The following FCAR variants were observed in gnomAD, a reference collection of about 807,000 sequenced individuals.
FCAR encodes the protein immunoglobulin alpha Fc receptor.
Under a neutral mutation model 27.1 loss-of-function variants are expected in FCAR, and 21 were observed. That is an observed-to-expected ratio of 0.77 (90% CI 0.55 to 1.11). The LOEUF (loss-of-function observed/expected upper bound fraction) is 1.11, where lower values mean the gene tolerates loss of function less well. FCAR is among the 50% of genes most tolerant of loss of function. FCAR has a pLI of 0.00. For missense variants in FCAR, 404 were observed against 358.4 expected, an observed-to-expected ratio of 1.13 and a Z score of -1.03; for synonymous variants, 134 against 135.8, an observed-to-expected ratio of 0.99 and a Z score of 0.09.
chr19:54,888,129 G>A lies in FCAR; in HGVS notation c.484G>A (p.Gly162Arg). The part of the protein sequence containing the change: ...PFDRFSLAKE[G>R]ELSLPQHQSG... ...TGATAGATTTTCACTGGCCAAGGAG[G>A]GAGAACTTTCTCTGCCACAGCACCA... Residue 162 changes from glycine to arginine, a missense_variant, in exon 4 of 5, where the codon GGA (glycine) becomes AGA (arginine). By Grantham distance (125) the Gly-to-Arg change is moderately radical. Transcript: ENST00000355524. 6.2e-7 allele frequency: 1 copy of A among 1,614,152 alleles called. No individual in the cohort carries two copies. Among genetic ancestry groups the A allele is most frequent in the Non-Finnish European group, 8.5e-7 (1 of 1,180,028 alleles).
At chr19:54,884,704 A>G (rs1019742804) in intron 2 of FCAR, among the ~76,000 whole-genome samples, 7 of 152,056 alleles carry the variant, frequency 4.6e-5, no homozygotes, top group African/African-American at 1.7e-4. Context: ...AAGGGGGTTG[A>G]AAAACTGCCT....
Position 54,889,695 on chromosome 19 carries a change from C to G in FCAR, c.696C>G (p.Ala232=), listed in dbSNP as rs769864643. The G allele has an allele frequency of 1.9e-6, 3 of 1,614,118 alleles. No homozygotes were observed. The South Asian group carries it at 3.3e-5, about 18-fold the overall frequency. Residue 232 remains alanine (A), a synonymous_variant, in exon 5 of 5, where the codon GCC becomes GCG. Coordinates refer to ENST00000355524, the MANE Select transcript of FCAR (RefSeq NM_002000.4). ...DYTTQNLIRM[A]VAGLVLVALL... ...CGACGCAGAACTTGATCCGCATGGC[C>G]GTGGCAGGACTGGTCCTCGTGGCTC...
chr19:54,877,794 C>T (rs1210606757), intron 2 of FCAR, among the ~76,000 whole-genome samples: 1 of 152,116 alleles, frequency 6.6e-6, no homozygotes, highest in African/African-American at 2.4e-5. Flanking sequence ...TATATTTACC[C>T]AAAAATTCCA....
intron 2 of FCAR, among the ~76,000 whole-genome samples, chr19:54,881,272 T>G (rs147386053): frequency 1.2e-4 from 18 of 152,270 alleles, no homozygotes; most frequent in Admixed American, 3.9e-4. Flanking sequence ...GGTGACAGAC[T>G]GGCCTCTTCT....
At chr19:54,881,499 T>A (rs1254785625) in intron 2 of FCAR, among the ~76,000 whole-genome samples, 4 of 151,886 alleles carry the variant, frequency 2.6e-5, no homozygotes, top group Admixed American at 1.3e-4. Context: ...AGCTGGGGCT[T>A]GTTGAAGAGC....
Position 54,875,346 on chromosome 19 carries a change from G to A in FCAR, c.51G>A (p.Gln17=), listed in dbSNP as rs765932099. Residue 17 remains glutamine, a synonymous_variant, in exon 2 of 5, where the codon CAG becomes CAA. Transcript: ENST00000355524. ...CTCTTCCAGTGCTCTGTCTGGGCCA[G>A]AGGATTCAGGCACAGGAAGGTAAGT... ...TLLCLVLCLG[Q]RIQAQEGDFP... is the part of the protein sequence containing the mutation. The A allele has an allele frequency of 6.2e-7, 1 of 1,613,892 alleles. No homozygotes were observed. The highest frequency in any genetic ancestry group is 1.1e-5 in the South Asian group (1 of 91,022).
intron 3 of FCAR, among the ~76,000 whole-genome samples, chr19:54,887,645 A>G (rs919996768): frequency 7.1e-6 from 1 of 141,800 alleles, no homozygotes; most frequent in African/African-American, 2.6e-5. Flanking sequence ...GGCTGGGCAC[A>G]GTTGCTCATG....
intron 3 of FCAR, among the ~76,000 whole-genome samples, chr19:54,886,275 A>T (rs936168927): frequency 4.3e-5 from 6 of 139,166 alleles, no homozygotes; most frequent in African/African-American, 1.6e-4. Flanking sequence ...AAGATTTCAC[A>T]TTGCATTCAG....
At chr19:54,889,583 G>A in intron 4 of FCAR, 66 bp from the exon 5 acceptor site, 2 of 1,373,094 alleles carry the variant, frequency 1.5e-6, no homozygotes, top group Non-Finnish European at 2.1e-6. Context: ...CCGTTTCAGG[G>A]CTCTGGGGTT....
At position 54,885,334 on chromosome 19, in the gene FCAR, T is replaced by G; in HGVS notation, c.170T>G (p.Leu57Arg). 1 of 1,614,114 alleles carries G rather than the reference T, an allele frequency of 6.2e-7. No homozygotes were observed. The highest frequency in any genetic ancestry group is 8.5e-7 in the Non-Finnish European group (1 of 1,179,994). The change falls in exon 3 of 5, where the codon CTG becomes CGG. Residue 57 changes from leucine (L) to arginine (R), a missense_variant. Physicochemically the swap from Leu to Arg is moderately radical, Grantham distance 102. Coordinates refer to ENST00000355524, the MANE Select transcript of FCAR (RefSeq NM_002000.4). ...TGCCAGGCCATTCGTGAAGCTTACC[T>G]GACCCAGCTGATGATCATAAAAAAC... The part of the protein sequence containing the change: ...IQCQAIREAY[L>R]TQLMIIKNST...
chr19:54,888,996 A>G (rs1232747847), intron 4 of FCAR: 81 of 723,888 alleles, frequency 1.1e-4, no homozygotes, highest in Admixed American at 1.9e-4. Context: ...TGAACCCAGG[A>G]GGCAGCTGTT....
In FCAR at chr19:54,885,915, C is replaced by G. The variant is rs182136893; in HGVS notation, c.361+390C>G. ...TCACCCAAGGTCAGGAGTTCGAGACCAGCCTGGCCAACATGGTGAATTCCC... is the reference window on the plus strand; with the variant it reads ...TCACCCAAGGTCAGGAGTTCGAGACGAGCCTGGCCAACATGGTGAATTCCC... On this transcript the variant is annotated intron_variant, in intron 3 of 4. Transcript: ENST00000355524. Among the ~76,000 whole-genome samples, 315 of 152,228 alleles carry G rather than the reference C, an allele frequency of 2.1e-3. 3 individuals carry two copies. Among genetic ancestry groups the G allele is most frequent in the African/African-American group, 7.0e-3 (291 of 41,556 alleles).
rs375603668 is a variant in FCAR, at chr19:54,889,670, C to T, written c.671C>T (p.Thr224Met). ...CCAGACTCCATCCACCAAGATTACACGACGCAGAACTTGATCCGCATGGCC... is the reference window on the plus strand; with the variant it reads ...CCAGACTCCATCCACCAAGATTACATGACGCAGAACTTGATCCGCATGGCC... ...VVTDSIHQDYTTQNLIRMAVA... is the reference protein window; with the variant it reads ...VVTDSIHQDYMTQNLIRMAVA... The change falls in exon 5 of 5, where the codon ACG (threonine) becomes ATG (methionine). Residue 224 changes from threonine (T) to methionine (M), a missense_variant. Coordinates refer to ENST00000355524, the MANE Select transcript of FCAR (RefSeq NM_002000.4). The T allele has an allele frequency of 6.6e-5, 107 of 1,613,904 alleles. No individual in the cohort carries two copies. In the Admixed American group the frequency reaches 7.2e-4, roughly 11 times the overall value.
In FCAR at chr19:54,888,387, T is replaced by C. The variant is rs145410305; in HGVS notation, c.649+93T>C. The C allele has an allele frequency of 3.7e-5, 57 of 1,533,924 alleles. No homozygotes were observed. In the African/African-American group the frequency reaches 6.5e-4, roughly 17 times the overall value. ...ATGAAGACGTGCACTGAGAGTGAAG[T>C]GAAGAGAGGCAAAGGCTCTCACTCC... On this transcript the variant is annotated intron_variant, in intron 4 of 4. Coordinates refer to ENST00000355524, the MANE Select transcript of FCAR (RefSeq NM_002000.4).
intron 4 of FCAR, chr19:54,888,546 T>C (rs985971079): frequency 3.9e-6 from 5 of 1,298,268 alleles, no homozygotes; most frequent in Non-Finnish European, 4.9e-6. Context: ...TTTCATTTTA[T>C]TTATTTCATT....
intron 2 of FCAR, among the ~76,000 whole-genome samples, chr19:54,877,446 C>T (rs1002395504): frequency 8.6e-5 from 13 of 152,032 alleles, no homozygotes; most frequent in African/African-American, 2.4e-4. Context: ...GTAATATACC[C>T]TTTGTTGTTT....
chr19:54,883,962 AAAAAG>A (rs1467820634), intron 2 of FCAR, among the ~76,000 whole-genome samples: 2 of 152,112 alleles, frequency 1.3e-5, no homozygotes, highest in Non-Finnish European at 2.9e-5. Context: ...ATCTCAACAA[AAAAAG>A]AAAAGAAAAG....
intron 2 of FCAR, 23 bp downstream of exon 2, chr19:54,875,388 C>A: frequency 1.2e-6 from 2 of 1,608,430 alleles, no homozygotes; most frequent in Non-Finnish European, 1.7e-6. Flanking sequence ...TAAATCTCTC[C>A]CAGCCCCTTT....
At chr19:54,880,353 A>G (rs1335856439) in intron 2 of FCAR, among the ~76,000 whole-genome samples, 1 of 152,130 alleles carries the variant, frequency 6.6e-6, no homozygotes, top group African/African-American at 2.4e-5. Context: ...TGCCATTAAT[A>G]CTTGTGATCG....
Sources: gnomAD v4.1 joint callset for allele counts (sites outside exome capture counted in the v4.1 genomes callset) on GRCh38, gnomAD v4.1.1 for gene constraint, MANE v1.5 for transcripts, NCBI Gene and HGNC (gene_info 2026-07-23, HGNC 2026-07-21) for gene names.